The following NAA11 variants were observed in gnomAD, a reference collection of about 807,000 sequenced individuals.
The protein encoded by NAA11 is N-alpha-acetyltransferase 11.
Under a neutral mutation model 16.1 loss-of-function variants are expected in NAA11, and 15 were observed. The observed-to-expected ratio is 0.93, with a 90% CI of 0.62 to 1.44. The LOEUF (loss-of-function observed/expected upper bound fraction) is 1.44. Ranked by LOEUF, NAA11 falls within the 40% of genes most tolerant of loss-of-function variation. The probability of loss-of-function intolerance (pLI) is 0.00; values close to 1 mark genes in which losing one functional copy is unlikely to be tolerated. For missense variants in NAA11, 298 were observed against 291.3 expected (o/e 1.02, Z -0.17); for synonymous variants, 122 against 112.4 (o/e 1.09, Z -0.54).
the NAA11 span, among the ~76,000 whole-genome samples, chr4:79,199,439 T>C: frequency 6.6e-6 from 1 of 151,924 alleles, no homozygotes; most frequent in East Asian, 1.9e-4. Context: ...TAGCTCATTA[T>C]GGCATCAGAA....
chr4:79,155,743 T>C, the NAA11 span, among the ~76,000 whole-genome samples: 1 of 152,236 alleles, frequency 6.6e-6, no homozygotes, highest in Non-Finnish European at 1.5e-5. Context: ...ACTAGGAACT[T>C]AGTGTTTATG....
chr4:79,249,135 C>T (rs955270028), intron 2 of NAA11, among the ~76,000 whole-genome samples: 4 of 152,192 alleles, frequency 2.6e-5, no homozygotes, highest in African/African-American at 9.7e-5. Flanking sequence ...AGAAAGGAAC[C>T]AGTCAACTGA....
intron 1 of NAA11, among the ~76,000 whole-genome samples, chr4:79,311,150 A>C (rs1301023307): frequency 1.3e-5 from 2 of 152,178 alleles, no homozygotes; most frequent in Non-Finnish European, 2.9e-5. Context: ...CTTTTTCCTC[A>C]TTAAAGACAG....
intron 2 of NAA11, among the ~76,000 whole-genome samples, chr4:79,267,789 G>A (rs1403043439): frequency 3.3e-5 from 5 of 152,064 alleles, no homozygotes; most frequent in Non-Finnish European, 7.4e-5. Context: ...GCACTGGAGA[G>A]TTTTAGGGTG....
chr4:79,223,912 A>G (rs146812264), downstream of NAA11, among the ~76,000 whole-genome samples: 463 of 152,270 alleles, frequency 3.0e-3, 5 homozygotes, highest in African/African-American at 0.01. Context: ...GTATGCATAG[A>G]AATTCTCACT....
At chr4:79,322,505 G>GTA (rs150419621) in intron 1 of NAA11, among the ~76,000 whole-genome samples, 13,579 of 149,886 alleles carry the variant, frequency 0.091, 941 homozygotes, top group African/African-American at 0.18. Flanking sequence ...GTGTGTGTGT[G>GTA]TATATATATA....
chr4:79,243,270 C>A (rs563793076), intron 2 of NAA11, among the ~76,000 whole-genome samples: 1 of 152,262 alleles, frequency 6.6e-6, no homozygotes, highest in South Asian at 2.1e-4. Flanking sequence ...TTATTTGTAT[C>A]CTGCACAGCT....
chr4:79,229,673 G>A (rs59072456), intron 2 of NAA11, among the ~76,000 whole-genome samples: 18,405 of 151,842 alleles, frequency 0.12, 1,364 homozygotes, highest in African/African-American at 0.19. Context: ...GTAAATTTTT[G>A]CTATGTGCCT....
intron 2 of NAA11, among the ~76,000 whole-genome samples, chr4:79,233,096 T>C (rs1721501495): frequency 1.3e-5 from 2 of 152,108 alleles, no homozygotes; most frequent in Non-Finnish European, 2.9e-5. Flanking sequence ...TTAGTCATTA[T>C]TAGCTAAGTT....
rs555170887 is a variant in NAA11 at position 79,322,307 on chromosome 4, T to C, written c.*12+2869A>G. Among the ~76,000 whole-genome samples, 62 of 152,306 alleles carry C rather than the reference T, an allele frequency of 4.1e-4. 3 individuals are homozygous for C. In the South Asian group the frequency reaches 0.012, roughly 29 times the overall value. The stretch of plus-strand genomic sequence containing the variant: ...CATTTCCTTCAACTTAGAAATAAAG[T>C]TCAATTACGGTATCATAAAGAAACA... On this transcript the variant is annotated intron_variant, in intron 1 of 1. Transcript: ENST00000286794.
intron 1 of NAA11, among the ~76,000 whole-genome samples, chr4:79,295,568 A>G (rs1168973105): frequency 6.6e-6 from 1 of 152,202 alleles, no homozygotes; most frequent in Non-Finnish European, 1.5e-5. Context: ...AGATAAACTT[A>G]AACTCTCAGG....
At chr4:79,244,520 T>C (rs956832558) in intron 2 of NAA11, among the ~76,000 whole-genome samples, 65 of 152,144 alleles carry the variant, frequency 4.3e-4, no homozygotes, top group African/African-American at 1.5e-3. Context: ...GTTTCCAAGA[T>C]AAAATTTTTA....
chr4:79,185,775 A>G, the NAA11 span, among the ~76,000 whole-genome samples: 1 of 152,168 alleles, frequency 6.6e-6, no homozygotes, highest in African/African-American at 2.4e-5. Context: ...ATTTTGTCAT[A>G]AAAACACAGA....
chr4:79,302,042 A>C (rs1177197066), intron 1 of NAA11, among the ~76,000 whole-genome samples: 1 of 152,192 alleles, frequency 6.6e-6, no homozygotes, highest in Non-Finnish European at 1.5e-5. Flanking sequence ...TTGGCCCTGC[A>C]TTAGTAGAAA....
intron 1 of NAA11, among the ~76,000 whole-genome samples, chr4:79,296,905 T>G (rs1285313630): frequency 6.6e-6 from 1 of 152,228 alleles, no homozygotes. Context: ...GATTCTTCAA[T>G]GCTTAAATTA....
chr4:79,237,651 T>C (rs1318488462), intron 2 of NAA11, among the ~76,000 whole-genome samples: 1 of 152,156 alleles, frequency 6.6e-6, no homozygotes. Flanking sequence ...TTAAACTAAA[T>C]TGTTAAATTA....
chr4:79,179,386 T>C, the NAA11 span, among the ~76,000 whole-genome samples: 1 of 152,194 alleles, frequency 6.6e-6, no homozygotes, highest in African/African-American at 2.4e-5. Context: ...TTTAAGGCAG[T>C]GATCCAAGAA....
chr4:79,162,175 G>T, the NAA11 span, among the ~76,000 whole-genome samples: 1 of 152,094 alleles, frequency 6.6e-6, no homozygotes, highest in Non-Finnish European at 1.5e-5. Context: ...TATTGGTCTT[G>T]CATCTTGCCA....
At chr4:79,246,484 T>G (rs900932250) in intron 2 of NAA11, among the ~76,000 whole-genome samples, 1 of 152,008 alleles carries the variant, frequency 6.6e-6, no homozygotes, top group Non-Finnish European at 1.5e-5. Flanking sequence ...CAATTAAGTA[T>G]TTAAGCTAAA....
Sources: gnomAD v4.1 joint callset for allele counts (sites outside exome capture counted in the v4.1 genomes callset) on GRCh38, gnomAD v4.1.1 for gene constraint, MANE v1.5 for transcripts, NCBI Gene and HGNC (gene_info 2026-07-23, HGNC 2026-07-21) for gene names.